Variants in TPP2 observed in about 807,000 individuals in gnomAD.
The protein encoded by TPP2 is tripeptidyl peptidase 2.
TPP2 carries 34 observed loss-of-function variants against 155.9 expected under a neutral mutation model. The observed-to-expected ratio is 0.22, with a 90% confidence interval of 0.17 to 0.29. The LOEUF (loss-of-function observed/expected upper bound fraction) is 0.29, where lower values mean the gene tolerates loss of function less well. TPP2 is among the 10% of genes least tolerant of loss of function. The pLI is 1.00. For synonymous variants in TPP2, 510 were observed against 529.4 expected, an observed-to-expected ratio of 0.96 and a Z score of 0.50; for missense variants, 1,028 against 1,522.3, an observed-to-expected ratio of 0.68 and a Z score of 5.40.
chr13:102,618,589 A>G, intron 4 of TPP2, 133 bp from the exon 5 acceptor site: 1 of 1,174,902 alleles, frequency 8.5e-7, no homozygotes, highest in East Asian at 2.6e-5. Context: ...GCATAGATAG[A>G]ACAAAATTTT....
intron 5 of TPP2, among the ~76,000 whole-genome samples, chr13:102,622,184 G>GT (rs1280115055): frequency 6.6e-6 from 1 of 152,096 alleles, no homozygotes; most frequent in Admixed American, 6.5e-5. Flanking sequence ...TGCATAGCTT[G>GT]TTAAAATACA....
chr13:102,641,156 G>A (rs1882741328), intron 16 of TPP2, among the ~76,000 whole-genome samples: 1 of 152,212 alleles, frequency 6.6e-6, no homozygotes, highest in South Asian at 2.1e-4. Flanking sequence ...TCCTGTGAGA[G>A]TGCTCATGTC....
At chr13:102,662,181 C>G (rs1004086565) in intron 25 of TPP2, among the ~76,000 whole-genome samples, 2 of 152,134 alleles carry the variant, frequency 1.3e-5, no homozygotes, top group Non-Finnish European at 1.5e-5. Context: ...TTATATGATT[C>G]TATTCATATT....
At position 102,630,136 on chromosome 13, in the gene TPP2, G is replaced by A. The variant is rs1442169280; in HGVS notation, c.1185G>A (p.Glu395=). Residue 395 remains glutamate (E), a synonymous_variant, in exon 10 of 30, where the codon GAG becomes GAA. Transcript: ENST00000376052. The part of the protein sequence containing the change: ...AYVSPDMMVA[E]YSLREKLPAN... ...TTTCTCCTGATATGATGGTTGCTGA[G>A]TATTCACTGAGAGAGAAATTACCTG... 12 of 1,613,508 alleles carry A rather than the reference G, an allele frequency of 7.4e-6. No homozygotes were observed. The highest frequency in any genetic ancestry group is 1.0e-5 in the Non-Finnish European group (12 of 1,179,852).
chr13:102,616,594 C>A (rs1880754337), intron 4 of TPP2, 94 bp downstream of exon 4: 1 of 1,047,624 alleles, frequency 9.5e-7, no homozygotes, highest in Non-Finnish European at 1.3e-6. Context: ...CACAAGTTTT[C>A]TTTTTTCACA....
At chr13:102,650,054 CT>C (rs1177958107) in intron 23 of TPP2, among the ~76,000 whole-genome samples, 1 of 151,940 alleles carries the variant, frequency 6.6e-6, no homozygotes, top group East Asian at 1.9e-4. Context: ...CAAAATGATG[CT>C]TTTTTTAGAA....
intron 24 of TPP2, among the ~76,000 whole-genome samples, chr13:102,652,677 T>G: frequency 6.6e-6 from 1 of 152,014 alleles, no homozygotes. Context: ...TACATAATAG[T>G]AAATAATTTG....
Position 102,616,449 on chromosome 13 carries a change from A to T in TPP2, c.444A>T (p.Glu148Asp). 6.2e-7 allele frequency: 1 copy of T among 1,612,956 alleles called. No homozygotes were observed. The highest frequency in any genetic ancestry group is 8.5e-7 in the Non-Finnish European group (1 of 1,179,484). The change falls in exon 4 of 30, where the codon GAA becomes GAT. Residue 148 changes from glutamate to aspartate, a missense_variant. By Grantham distance (45) the Glu-to-Asp change is conservative (BLOSUM62 2). This residue lies in a region of TPP2 where 300 missense variants were observed against 398.3 expected (regional missense o/e 0.75). Coordinates refer to ENST00000376052, the MANE Select transcript of TPP2 (RefSeq NM_001330588.2). ...CTGTTCACAGAGTGGCCCTTGCAGA[A>T]GCCTGTAGAAAACAGGAAGAATTTG... is the stretch of plus-strand genomic sequence containing the variant. ...WDPVHRVALA[E>D]ACRKQEEFDV... is the part of the protein sequence containing the mutation.
rs1885507897 is a variant in TPP2, at chr13:102,679,641, G to C, written c.*1325G>C. On this transcript the variant is annotated 3_prime_UTR_variant, in exon 30 of 30. Coordinates refer to ENST00000376052, the MANE Select transcript of TPP2 (RefSeq NM_001330588.2). ...TTGGTCACACCTTCTGGGCTAGCTA[G>C]GGTCCAAAGTCTATCCATGAAAGCT... 1 of 152,170 alleles carries C rather than the reference G, an allele frequency of 6.6e-6. No homozygotes were observed. The highest frequency in any genetic ancestry group is 1.5e-5 in the Non-Finnish European group (1 of 68,046). The allele number at this position is 152,170 out of a possible 1,614,324, so 9.4% of individuals were successfully genotyped here.
At chr13:102,638,123 C>T (rs552888634) in intron 14 of TPP2, 116 bp from the exon 15 acceptor site, 6 of 958,790 alleles carry the variant, frequency 6.3e-6, no homozygotes, top group African/African-American at 1.6e-5. Context: ...GTGTCAACCT[C>T]TGGTTAAGAC....
intron 3 of TPP2, among the ~76,000 whole-genome samples, chr13:102,615,782 G>T (rs1451283857): frequency 1.3e-5 from 2 of 152,100 alleles, no homozygotes; most frequent in Non-Finnish European, 1.5e-5. Flanking sequence ...TCCTTTTAAT[G>T]ACTGGGAATT....
In TPP2 at chr13:102,627,831, C is replaced by G. The variant is rs779199545; in HGVS notation, c.940-17C>G. The G allele has an allele frequency of 1.3e-6, 2 of 1,597,126 alleles. No individual in the cohort carries two copies. Among genetic ancestry groups the G allele is most frequent in the Admixed American group, 3.4e-5 (2 of 59,412 alleles). ...TGTAAATTGCTGCCTAAACTAGAGTCTTAATCTCTTTAATAGATGATAGAA... is the reference window on the plus strand; with the variant it reads ...TGTAAATTGCTGCCTAAACTAGAGTGTTAATCTCTTTAATAGATGATAGAA... On this transcript the variant is annotated splice_polypyrimidine_tract_variant and intron_variant, in intron 7 of 29. Coordinates refer to ENST00000376052, the MANE Select transcript of TPP2 (RefSeq NM_001330588.2).
chr13:102,610,208 T>G (rs1442897043), intron 2 of TPP2, among the ~76,000 whole-genome samples: 1 of 152,132 alleles, frequency 6.6e-6, no homozygotes, highest in Non-Finnish European at 1.5e-5. Context: ...GATGTAGTCG[T>G]GCATTTATTT....
chr13:102,666,192 A>G (rs966635910), intron 27 of TPP2, among the ~76,000 whole-genome samples: 6 of 152,210 alleles, frequency 3.9e-5, no homozygotes, highest in Non-Finnish European at 8.8e-5. Context: ...GAGAAAACTG[A>G]AGTTCAGAGA....
intron 5 of TPP2, among the ~76,000 whole-genome samples, chr13:102,619,535 A>G (rs1317499349): frequency 1.3e-5 from 2 of 152,184 alleles, no homozygotes; most frequent in Non-Finnish European, 2.9e-5. Context: ...TTGCATCACA[A>G]GGTGGGGCAC....
intron 27 of TPP2, among the ~76,000 whole-genome samples, chr13:102,673,700 G>A (rs1885128760): frequency 1.3e-5 from 2 of 152,196 alleles, no homozygotes; most frequent in Admixed American, 1.3e-4. Flanking sequence ...GGAGGACCTT[G>A]AACAAATTGC....
At chr13:102,639,808 CCTTT>C (rs1372437013) in intron 15 of TPP2, among the ~76,000 whole-genome samples, 1 of 152,120 alleles carries the variant, frequency 6.6e-6, no homozygotes, top group Non-Finnish European at 1.5e-5. Context: ...AAGTAGTTTG[CCTTT>C]CTTTACTGTT....
At chr13:102,652,972 A>C (rs1254284936) in intron 24 of TPP2, among the ~76,000 whole-genome samples, 1 of 152,246 alleles carries the variant, frequency 6.6e-6, no homozygotes, top group African/African-American at 2.4e-5. Flanking sequence ...GGCACTTATC[A>C]CGAAGGCCAT....
intron 18 of TPP2, 51 bp downstream of exon 18, chr13:102,644,724 T>C (rs768003556): frequency 6.6e-7 from 1 of 1,510,644 alleles, no homozygotes; most frequent in South Asian, 1.2e-5. Flanking sequence ...CTTGTGTTAC[T>C]GGAGAGTAAC....
Sources: allele counts gnomAD v4.1 joint callset (sites outside exome capture counted in the v4.1 genomes callset), GRCh38; gene constraint gnomAD v4.1.1; regional missense constraint gnomAD v4.1.1; transcripts MANE v1.5; gene names NCBI Gene and HGNC (gene_info 2026-07-23, HGNC 2026-07-21).